Variants in WASF3 observed in about 807,000 individuals in gnomAD.
The protein encoded by WASF3 is WASP family member 3.
In WASF3, 11 loss-of-function variants were observed where a neutral mutation model predicts 46.6. The ratio of observed to expected loss-of-function variants is 0.24; its 90% CI spans 0.15 to 0.39. The LOEUF (loss-of-function observed/expected upper bound fraction) is 0.39. Among genes scored for constraint, WASF3 ranks in the 10% least tolerant of loss-of-function variants. The pLI is 1.00. For missense variants in WASF3, 576 were observed against 669.8 expected (o/e 0.86, Z 1.55); for synonymous variants, 242 against 259.7 (o/e 0.93, Z 0.65).
intron 3 of WASF3, among the ~76,000 whole-genome samples, chr13:26,647,836 A>G (rs936625131): frequency 1.3e-4 from 19 of 150,526 alleles, no homozygotes; most frequent in African/African-American, 4.5e-4. Flanking sequence ...AAACACACAA[A>G]AGAGTCAACT....
intron 1 of WASF3, among the ~76,000 whole-genome samples, chr13:26,564,384 G>T (rs191193504): frequency 3.0e-4 from 46 of 152,282 alleles, no homozygotes; most frequent in Non-Finnish European, 6.0e-4. Flanking sequence ...TTTCACTGTG[G>T]TAACACTTGG....
At chr13:26,547,456 A>C in the WASF3 span, among the ~76,000 whole-genome samples, 1 of 151,552 alleles carries the variant, frequency 6.6e-6, no homozygotes, top group Non-Finnish European at 1.5e-5. Context: ...TCCTGGGGCT[A>C]TCTATCCAGA....
At chr13:26,684,118 C>G (rs990515787) in intron 9 of WASF3, among the ~76,000 whole-genome samples, 1 of 152,168 alleles carries the variant, frequency 6.6e-6, no homozygotes, top group East Asian at 1.9e-4. Context: ...ACCAGGCCCA[C>G]AGTGTGGCCC....
Position 26,570,259 on chromosome 13 carries a change from G to C in WASF3, c.-109+12440G>C, listed in dbSNP as rs528940600. On this transcript the variant is annotated intron_variant, in intron 1 of 9. Coordinates refer to ENST00000335327, the MANE Select transcript of WASF3 (RefSeq NM_006646.6). Reference sequence around the variant, plus strand: ...GCTGAGATCCTGCCACTGCACTGCAGCCTGGGGGACAAGAGCAAAACTGCG... The same window carrying C: ...GCTGAGATCCTGCCACTGCACTGCACCCTGGGGGACAAGAGCAAAACTGCG... 1.8e-4 allele frequency among the ~76,000 whole-genome samples: 28 copies of C among 152,302 alleles called. 1 individual carries two copies. Among genetic ancestry groups the C allele is most frequent in the African/African-American group, 6.7e-4 (28 of 41,564 alleles).
chr13:26,558,551 C>T (rs1292692978), intron 1 of WASF3, among the ~76,000 whole-genome samples: 5 of 150,318 alleles, frequency 3.3e-5, no homozygotes, highest in Non-Finnish European at 7.4e-5. Flanking sequence ...AGGGCAGAAG[C>T]TTCCTCTCAG....
At chr13:26,643,332 G>A (rs974784599) in intron 3 of WASF3, among the ~76,000 whole-genome samples, 4 of 151,978 alleles carry the variant, frequency 2.6e-5, no homozygotes, top group Admixed American at 6.6e-5. Context: ...AGCCTCAAGC[G>A]AAGGGCAAAT....
rs78610343 is a variant in WASF3 at position 26,607,880 on chromosome 13, C to T, written c.-108-5081C>T. On this transcript the variant is annotated intron_variant, in intron 1 of 9. Transcript: ENST00000335327. The stretch of plus-strand genomic sequence containing the variant: ...CAAACTCCTAGGCTTAAGAGATAAT[C>T]CTACCTAGGCCTCTCAAAATGCTGG... Among the ~76,000 whole-genome samples the T allele has an allele frequency of 9.7e-3, 1,471 of 152,248 alleles. 31 individuals carry two copies. Among genetic ancestry groups the T allele is most frequent in the African/African-American group, 0.033 (1,362 of 41,522 alleles).
rs866469265 is a variant in WASF3 at position 26,582,923 on chromosome 13, T to C, written c.-109+25104T>C. Among the ~76,000 whole-genome samples the C allele has an allele frequency of 2.0e-5, 3 of 152,246 alleles. No individual in the cohort carries two copies. In the South Asian group the frequency reaches 6.2e-4, roughly 32 times the overall value. ...AACAATGTAGGTCTCTTTTTCCAGC[T>C]ATTAACATATATTCTAATAGGATAG... On this transcript the variant is annotated intron_variant, in intron 1 of 9. Coordinates refer to ENST00000335327, the MANE Select transcript of WASF3 (RefSeq NM_006646.6).
chr13:26,673,978 G>C (rs944044318), intron 6 of WASF3, among the ~76,000 whole-genome samples: 1 of 152,088 alleles, frequency 6.6e-6, no homozygotes, highest in Non-Finnish European at 1.5e-5. Flanking sequence ...GGAGAGGTGT[G>C]GGGGGCAGAT....
chr13:26,559,656 G>A (rs929439507), intron 1 of WASF3, among the ~76,000 whole-genome samples: 1 of 152,030 alleles, frequency 6.6e-6, no homozygotes, highest in Non-Finnish European at 1.5e-5. Context: ...TAAATGAATT[G>A]TCCCTACTCA....
intron 3 of WASF3, among the ~76,000 whole-genome samples, chr13:26,652,439 G>A (rs891486503): frequency 5.3e-5 from 8 of 152,132 alleles, no homozygotes; most frequent in African/African-American, 1.9e-4. Flanking sequence ...AACAAGTACC[G>A]CTCAGTAATT....
At chr13:26,640,926 T>C (rs545509432) in intron 2 of WASF3, 1 of 152,232 alleles carries the variant, frequency 6.6e-6, no homozygotes, top group South Asian at 2.1e-4. Context: ...GTAGATCTTT[T>C]CTCTTCAAAC....
chr13:26,572,492 A>C (rs1221231469), intron 1 of WASF3, among the ~76,000 whole-genome samples: 1 of 152,116 alleles, frequency 6.6e-6, no homozygotes, highest in African/African-American at 2.4e-5. Flanking sequence ...CAATTATATG[A>C]CTTTCTTGTT....
At chr13:26,676,773 TA>T in intron 7 of WASF3, 49 bp downstream of exon 7, 1 of 1,532,512 alleles carries the variant, frequency 6.5e-7, no homozygotes, top group Non-Finnish European at 8.8e-7. Flanking sequence ...GGCAACTGGG[TA>T]CTACCTGGTT....
intron 1 of WASF3, among the ~76,000 whole-genome samples, chr13:26,599,374 G>C (rs1880580015): frequency 1.3e-5 from 2 of 151,996 alleles, no homozygotes; most frequent in South Asian, 4.2e-4. Context: ...TGTAGAGATG[G>C]TAAAAGCTGA....
At chr13:26,647,087 C>A (rs560403948) in intron 3 of WASF3, among the ~76,000 whole-genome samples, 1 of 152,274 alleles carries the variant, frequency 6.6e-6, no homozygotes, top group African/African-American at 2.4e-5. Context: ...AATTTTGTCA[C>A]CGTTAAATTT....
intron 8 of WASF3, among the ~76,000 whole-genome samples, chr13:26,681,706 A>G (rs1472806533): frequency 6.6e-6 from 1 of 152,178 alleles, no homozygotes; most frequent in African/African-American, 2.4e-5. Flanking sequence ...AGACCACACC[A>G]TGCAGCTCCT....
chr13:26,685,083 A>G (rs574260227), intron 9 of WASF3, among the ~76,000 whole-genome samples: 15 of 85,100 alleles, frequency 1.8e-4, no homozygotes, highest in African/African-American at 9.8e-4. Context: ...GTGAGACCCA[A>G]TCTCAAAAAA....
intron 1 of WASF3, among the ~76,000 whole-genome samples, chr13:26,581,972 G>C (rs889558085): frequency 8.5e-5 from 13 of 152,234 alleles, no homozygotes; most frequent in Non-Finnish European, 1.9e-4. Flanking sequence ...TTTATAGACA[G>C]TAAATTCTAT....
Sources: gnomAD v4.1 joint callset for allele counts (sites outside exome capture counted in the v4.1 genomes callset) on GRCh38, gnomAD v4.1.1 for gene constraint, MANE v1.5 for transcripts, NCBI Gene and HGNC (gene_info 2026-07-23, HGNC 2026-07-21) for gene names.